The following KCNB2 variants were observed in gnomAD, a reference collection of about 807,000 sequenced individuals.
KCNB2 encodes the protein delayed rectifier potassium channel protein.
KCNB2 carries 15 observed loss-of-function variants against 61.5 expected under a neutral mutation model. The ratio of observed to expected loss-of-function variants is 0.24; its 90% confidence interval spans 0.16 to 0.38. KCNB2 has a LOEUF of 0.38. Ranked by LOEUF, KCNB2 falls within the 10% of genes least tolerant of loss-of-function variation. The probability of loss-of-function intolerance (pLI) is 1.00; values close to 1 mark genes in which losing one functional copy is unlikely to be tolerated. For synonymous variants in KCNB2, 457 were observed against 446.0 expected (o/e 1.02, Z -0.31); for missense variants, 828 against 1,125.2 (o/e 0.74, Z 3.78).
At chr8:72,850,768 G>C (rs1810087649) in intron 2 of KCNB2, among the ~76,000 whole-genome samples, 1 of 152,150 alleles carries the variant, frequency 6.6e-6, no homozygotes, top group Admixed American at 6.5e-5. Flanking sequence ...GTTAAGACAT[G>C]GCATAAATTG....
At position 72,937,572 on chromosome 8, in the gene KCNB2, C is replaced by T; in HGVS notation, c.2217C>T (p.Val739=). 1 of 1,614,066 alleles carries T rather than the reference C, an allele frequency of 6.2e-7. No individual in the cohort carries two copies. The highest frequency in any genetic ancestry group is 8.5e-7 in the Non-Finnish European group (1 of 1,180,010). Residue 739 remains valine, a synonymous_variant, in exon 3 of 3, where the codon GTC becomes GTT. Coordinates refer to ENST00000523207, the MANE Select transcript of KCNB2 (RefSeq NM_004770.3). ...TPPSTARPLP[V]TTADFSLTTP... is the part of the protein sequence containing the mutation. The stretch of plus-strand genomic sequence containing the variant: ...CCAGCACAGCCAGGCCACTGCCAGT[C>T]ACCACAGCTGACTTTTCGCTCACTA...
At chr8:72,645,966 T>C (rs908918375) in intron 2 of KCNB2, among the ~76,000 whole-genome samples, 2 of 152,174 alleles carry the variant, frequency 1.3e-5, no homozygotes, top group Admixed American at 6.5e-5. Context: ...GAAATGTCAA[T>C]TGATGATCTT....
intron 2 of KCNB2, among the ~76,000 whole-genome samples, chr8:72,857,423 G>A (rs1810223360): frequency 6.6e-6 from 1 of 152,174 alleles, no homozygotes; most frequent in Non-Finnish European, 1.5e-5. Flanking sequence ...AGCCCTTCTA[G>A]GAGTGAGAAG....
chr8:72,782,666 A>G (rs1411448802), intron 2 of KCNB2, among the ~76,000 whole-genome samples: 1 of 152,050 alleles, frequency 6.6e-6, no homozygotes, highest in Non-Finnish European at 1.5e-5. Flanking sequence ...GGCTCTTTCC[A>G]TCCACTTTTT....
At chr8:72,844,540 C>A (rs1809953034) in intron 2 of KCNB2, among the ~76,000 whole-genome samples, 1 of 152,186 alleles carries the variant, frequency 6.6e-6, no homozygotes, top group Non-Finnish European at 1.5e-5. Flanking sequence ...TGTTTTCCAA[C>A]TTGGTTCCAT....
intron 2 of KCNB2, among the ~76,000 whole-genome samples, chr8:72,763,889 G>A (rs1449037905): frequency 1.3e-5 from 2 of 152,176 alleles, no homozygotes; most frequent in African/African-American, 4.8e-5. Flanking sequence ...AGACCCTGGG[G>A]AAGGAGCTGG....
chr8:72,642,564 C>T (rs1806073512), intron 2 of KCNB2, among the ~76,000 whole-genome samples: 1 of 152,020 alleles, frequency 6.6e-6, no homozygotes, highest in Non-Finnish European at 1.5e-5. Context: ...TTGAGCTCAC[C>T]TGTATCATTT....
chr8:72,725,565 G>GTATGTA (rs1563571961), intron 2 of KCNB2, among the ~76,000 whole-genome samples: 11 of 47,972 alleles, frequency 2.3e-4, no homozygotes, highest in Non-Finnish European at 4.5e-4. Context: ...ATGTATATAT[G>GTATGTA]TATATATATG....
At chr8:72,776,354 A>T (rs1239064868) in intron 2 of KCNB2, among the ~76,000 whole-genome samples, 1 of 152,228 alleles carries the variant, frequency 6.6e-6, no homozygotes, top group Non-Finnish European at 1.5e-5. Flanking sequence ...TACATATGTA[A>T]CAAACCTGCA....
At chr8:72,751,295 A>G (rs562785440) in intron 2 of KCNB2, 1 of 152,246 alleles carries the variant, frequency 6.6e-6, no homozygotes, top group South Asian at 2.1e-4. Flanking sequence ...GGACCACTCT[A>G]TTAAACACTC....
chr8:72,659,036 T>C (rs1381734153), intron 2 of KCNB2, among the ~76,000 whole-genome samples: 1 of 152,198 alleles, frequency 6.6e-6, no homozygotes, highest in Non-Finnish European at 1.5e-5. Context: ...TAATTTTGAC[T>C]TCCAAGTTTT....
intron 2 of KCNB2, among the ~76,000 whole-genome samples, chr8:72,765,453 C>A (rs960680208): frequency 6.6e-6 from 1 of 152,202 alleles, no homozygotes; most frequent in Non-Finnish European, 1.5e-5. Context: ...GAATATTTCT[C>A]CCCAAACCAC....
chr8:72,897,818 G>A (rs765549223), intron 2 of KCNB2, among the ~76,000 whole-genome samples: 50 of 152,104 alleles, frequency 3.3e-4, no homozygotes, highest in Admixed American at 5.2e-4. Context: ...TCATCCATAA[G>A]AGAAATTTTT....
intron 2 of KCNB2, among the ~76,000 whole-genome samples, chr8:72,889,041 A>G (rs1024889303): frequency 3.9e-5 from 6 of 152,184 alleles, no homozygotes; most frequent in Non-Finnish European, 8.8e-5. Flanking sequence ...TACTCCTGGA[A>G]GCTGCTCGGC....
chr8:72,752,109 A>G (rs751289365), intron 2 of KCNB2, among the ~76,000 whole-genome samples: 1 of 152,188 alleles, frequency 6.6e-6, no homozygotes, highest in Non-Finnish European at 1.5e-5. Context: ...TCAGGCTTGG[A>G]TGGCCAGGTG....
At chr8:72,790,384 G>T (rs372277196) in intron 2 of KCNB2, among the ~76,000 whole-genome samples, 2 of 152,250 alleles carry the variant, frequency 1.3e-5, no homozygotes, top group Admixed American at 6.5e-5. Flanking sequence ...GAAGTCAAGA[G>T]AATTCAACAG....
intron 2 of KCNB2, among the ~76,000 whole-genome samples, chr8:72,665,161 G>A (rs1806446445): frequency 6.6e-6 from 1 of 152,188 alleles, no homozygotes; most frequent in Non-Finnish European, 1.5e-5. Context: ...GACCGCTTGA[G>A]GTGCTGCACT....
intron 2 of KCNB2, among the ~76,000 whole-genome samples, chr8:72,580,754 C>T (rs971422791): frequency 6.6e-6 from 1 of 152,138 alleles, no homozygotes; most frequent in African/African-American, 2.4e-5. Flanking sequence ...CCACTGGATG[C>T]ACTGCTATGA....
chr8:72,657,492 G>A (rs944393546), intron 2 of KCNB2, among the ~76,000 whole-genome samples: 3 of 152,042 alleles, frequency 2.0e-5, no homozygotes, highest in African/African-American at 7.2e-5. Context: ...TCACGTTATG[G>A]AGAAGTTGTT....
Sources: gnomAD v4.1 joint callset for allele counts (sites outside exome capture counted in the v4.1 genomes callset) on GRCh38, gnomAD v4.1.1 for gene constraint, MANE v1.5 for transcripts, NCBI Gene and HGNC (gene_info 2026-07-23, HGNC 2026-07-21) for gene names.